The following RAP1A variants were observed in gnomAD, a reference collection of about 807,000 sequenced individuals.
The protein encoded by RAP1A is ras-related protein Rap-1A.
RAP1A carries 6 observed loss-of-function variants against 26.4 expected under a neutral mutation model. That is an observed-to-expected ratio of 0.23 (90% CI 0.12 to 0.45). RAP1A has a LOEUF of 0.45. Among genes scored for constraint, RAP1A ranks in the 20% least tolerant of loss-of-function variants. The probability of loss-of-function intolerance (pLI) is 0.99; values close to 1 mark genes in which losing one functional copy is unlikely to be tolerated. For synonymous variants in RAP1A, 73 were observed against 79.4 expected (o/e 0.92, Z 0.43); for missense variants, 121 against 217.2 (o/e 0.56, Z 2.78).
At chr1:111,702,392 A>G (rs1428800787) in intron 4 of RAP1A, among the ~76,000 whole-genome samples, 1 of 152,152 alleles carries the variant, frequency 6.6e-6, no homozygotes. Flanking sequence ...AATGATTGTC[A>G]CCAAATAAAA....
intron 1 of RAP1A, among the ~76,000 whole-genome samples, chr1:111,643,387 A>G (rs1212503424): frequency 6.6e-6 from 1 of 152,164 alleles, no homozygotes; most frequent in South Asian, 2.1e-4. Flanking sequence ...TTTCTTGGAC[A>G]TTCCTTCATT....
chr1:111,653,683 CAAAAAAAAA>C (rs71099925), intron 1 of RAP1A, among the ~76,000 whole-genome samples: 44 of 65,704 alleles, frequency 6.7e-4, no homozygotes, highest in East Asian at 3.0e-3. Context: ...AACTCTGTCT[CAAAAAAAAA>C]AAAAAAAAAA....
At chr1:111,675,790 C>A (rs1661108042) in intron 1 of RAP1A, among the ~76,000 whole-genome samples, 1 of 152,000 alleles carries the variant, frequency 6.6e-6, no homozygotes, top group Non-Finnish European at 1.5e-5. Context: ...AAAGACATAC[C>A]CAAGACTGGG....
intron 1 of RAP1A, among the ~76,000 whole-genome samples, chr1:111,581,819 A>G (rs144970994): frequency 2.6e-5 from 4 of 152,350 alleles, no homozygotes; most frequent in African/African-American, 9.6e-5. Flanking sequence ...GGGAATAGAG[A>G]AATAAAATTG....
chr1:111,636,421 T>C (rs2101111630), intron 1 of RAP1A, among the ~76,000 whole-genome samples: 1 of 152,246 alleles, frequency 6.6e-6, no homozygotes, highest in East Asian at 1.9e-4. Flanking sequence ...CTTCACAATG[T>C]CTTGCGCCCA....
Position 111,709,180 on chromosome 1 carries a change from G to T in RAP1A, c.500G>T (p.Arg167Met). 1.2e-6 allele frequency: 2 copies of T among 1,613,554 alleles called. No homozygotes were observed. The highest frequency in any genetic ancestry group is 1.7e-6 in the Non-Finnish European group (2 of 1,179,830). ...IFYDLVRQIN[R>M]KTPVEKKKPK... The stretch of plus-strand genomic sequence containing the variant: ...TATGACCTGGTCAGACAGATAAATA[G>T]GAAAACACCAGTGGAAAAGAAGAAG... The change falls in exon 7 of 8, where the codon AGG (arginine) becomes ATG (methionine). Residue 167 changes from arginine (R) to methionine (M), a missense_variant. Coordinates refer to ENST00000369709, the MANE Select transcript of RAP1A (RefSeq NM_002884.4).
chr1:111,695,412 A>G lies in RAP1A; in HGVS notation c.126+3A>G. ...CGATAGAAGATTCCTACAGAAAGGTAAAATGTGAAACTTGTACACACATGC... is the reference window on the plus strand; with the variant it reads ...CGATAGAAGATTCCTACAGAAAGGTGAAATGTGAAACTTGTACACACATGC... On this transcript the variant is annotated splice_donor_region_variant and intron_variant, in intron 3 of 7. Transcript: ENST00000369709. 6.5e-7 allele frequency: 1 copy of G among 1,547,322 alleles called. No homozygotes were observed. The highest frequency in any genetic ancestry group is 1.2e-5 in the South Asian group (1 of 80,466).
chr1:111,653,449 A>G (rs1042525803), intron 1 of RAP1A, among the ~76,000 whole-genome samples: 1 of 152,148 alleles, frequency 6.6e-6, no homozygotes, highest in African/African-American at 2.4e-5. Context: ...TGGGAGGCTG[A>G]GGCGGGCGGA....
At chr1:111,565,461 G>A (rs899601289) in intron 1 of RAP1A, among the ~76,000 whole-genome samples, 1 of 152,222 alleles carries the variant, frequency 6.6e-6, no homozygotes, top group Non-Finnish European at 1.5e-5. Flanking sequence ...ATATCACAGT[G>A]TAACTGGTAC....
chr1:111,641,020 GT>G (rs1659873852), intron 1 of RAP1A, among the ~76,000 whole-genome samples: 1 of 152,132 alleles, frequency 6.6e-6, no homozygotes, highest in African/African-American at 2.4e-5. Flanking sequence ...AGGAATACAA[GT>G]AATGCCCTGA....
At chr1:111,664,387 A>C (rs866827783) in intron 1 of RAP1A, among the ~76,000 whole-genome samples, 1,661 of 151,066 alleles carry the variant, frequency 0.011, 41 homozygotes, top group African/African-American at 0.037. Context: ...AAAAAAAAAA[A>C]AAAAAAAAAA....
chr1:111,620,073 G>A (rs1439396483), intron 1 of RAP1A, 139 bp downstream of exon 1: 1 of 393,026 alleles, frequency 2.5e-6, no homozygotes, highest in Admixed American at 4.4e-5. Flanking sequence ...TCGGTGTCGG[G>A]GCGGCGGCCC....
At chr1:111,684,331 T>A (rs1459181555) in intron 1 of RAP1A, among the ~76,000 whole-genome samples, 2 of 152,158 alleles carry the variant, frequency 1.3e-5, no homozygotes, top group Non-Finnish European at 2.9e-5. Flanking sequence ...TAAAGGGTAT[T>A]CAAACAGGAA....
chr1:111,616,565 G>C (rs1044183168), upstream of RAP1A, among the ~76,000 whole-genome samples: 1 of 152,066 alleles, frequency 6.6e-6, no homozygotes, highest in African/African-American at 2.4e-5. Context: ...CTTCTCACAG[G>C]GACCACAGCA....
intron 1 of RAP1A, among the ~76,000 whole-genome samples, chr1:111,643,938 T>G (rs1449897286): frequency 6.6e-6 from 1 of 152,266 alleles, no homozygotes; most frequent in East Asian, 1.9e-4. Flanking sequence ...ATTCTGTAGC[T>G]GAAGCTGATA....
intron 1 of RAP1A, among the ~76,000 whole-genome samples, chr1:111,682,961 A>C (rs1099800): frequency 0.41 from 62,873 of 151,886 alleles, 13,230 homozygotes; most frequent in African/African-American, 0.49. Context: ...GAACGGAAAT[A>C]ATAAGTCTCT....
At chr1:111,672,486 G>A (rs114210633) in intron 1 of RAP1A, among the ~76,000 whole-genome samples, 1 of 152,092 alleles carries the variant, frequency 6.6e-6, no homozygotes, top group African/African-American at 2.4e-5. Context: ...GATGGTTGCT[G>A]TCTGGGATCA....
intron 1 of RAP1A, chr1:111,648,369 T>A: frequency 1.5e-6 from 1 of 649,952 alleles, no homozygotes; most frequent in East Asian, 3.3e-5. Flanking sequence ...TTTTGGATGG[T>A]TCGCATGGAG....
chr1:111,669,709 A>T (rs989376115), intron 1 of RAP1A, among the ~76,000 whole-genome samples: 1 of 152,250 alleles, frequency 6.6e-6, no homozygotes, highest in African/African-American at 2.4e-5. Context: ...TCTAACCAGA[A>T]TTTCAGATAT....
Sources: allele counts gnomAD v4.1 joint callset (sites outside exome capture counted in the v4.1 genomes callset), GRCh38; gene constraint gnomAD v4.1.1; transcripts MANE v1.5; gene names NCBI Gene and HGNC (gene_info 2026-07-23, HGNC 2026-07-21).